SGCG: variants seen among roughly 807,000 people sequenced by gnomAD.
The protein encoded by SGCG is gamma-sarcoglycan.
Under a neutral mutation model 29.3 loss-of-function variants are expected in SGCG, and 26 were observed. That is an observed-to-expected ratio of 0.89 (90% CI 0.65 to 1.23). SGCG has a LOEUF of 1.23. Ranked by LOEUF, SGCG falls within the 50% of genes most tolerant of loss-of-function variation. The pLI, the probability that SGCG is intolerant of heterozygous loss-of-function variation, is 0.00. For missense variants in SGCG, 353 were observed against 356.0 expected (o/e 0.99, Z 0.07); for synonymous variants, 145 against 129.7 (o/e 1.12, Z -0.80).
intron 4 of SGCG, among the ~76,000 whole-genome samples, chr13:23,272,830 A>G (rs1040622961): frequency 6.6e-6 from 1 of 152,170 alleles, no homozygotes; most frequent in African/African-American, 2.4e-5. Context: ...TAATGAGATC[A>G]ATTTTAGCAA....
At chr13:23,198,527 G>C (rs954298216) in intron 1 of SGCG, among the ~76,000 whole-genome samples, 1 of 152,102 alleles carries the variant, frequency 6.6e-6, no homozygotes, top group Non-Finnish European at 1.5e-5. Context: ...CTATACCTGA[G>C]AGATGCATTG....
At chr13:23,177,490 G>T (rs1876595094), upstream of SGCG, among the ~76,000 whole-genome samples, 2 of 148,756 alleles carry the variant, frequency 1.3e-5, no homozygotes, top group Non-Finnish European at 3.0e-5. Context: ...GTATCACGTT[G>T]TACCCAGTAA....
At chr13:23,301,033 G>A (rs7995714) in intron 6 of SGCG, among the ~76,000 whole-genome samples, 109,673 of 151,776 alleles carry the variant, frequency 0.72, 41,513 homozygotes, top group East Asian at 0.89. Flanking sequence ...GGAGAATGGC[G>A]TGAACCCAGG....
At chr13:23,182,755 CTG>C (rs1876792466) in intron 1 of SGCG, among the ~76,000 whole-genome samples, 1 of 152,192 alleles carries the variant, frequency 6.6e-6, no homozygotes, top group Admixed American at 6.5e-5. Context: ...TTCAGTATGA[CTG>C]GTGGGTAGGA....
At chr13:23,188,492 T>G (rs539019005) in intron 1 of SGCG, among the ~76,000 whole-genome samples, 23 of 148,310 alleles carry the variant, frequency 1.6e-4, no homozygotes, top group African/African-American at 5.2e-4. Flanking sequence ...TTTTTTTTTT[T>G]TTTTTTTTTT....
intron 4 of SGCG, among the ~76,000 whole-genome samples, chr13:23,263,246 AAAG>A (rs1414290272): frequency 3.9e-5 from 6 of 152,170 alleles, no homozygotes; most frequent in Admixed American, 6.5e-5. Flanking sequence ...TTAATCAAGA[AAAG>A]AAGAGAGAAG....
At chr13:23,227,901 C>T (rs1426980167) in intron 2 of SGCG, among the ~76,000 whole-genome samples, 1 of 152,180 alleles carries the variant, frequency 6.6e-6, no homozygotes, top group Non-Finnish European at 1.5e-5. Flanking sequence ...GCCTCTTCCT[C>T]CTGGGCTCAA....
At chr13:23,247,078 G>T in intron 3 of SGCG, 1 of 169,352 alleles carries the variant, frequency 5.9e-6, no homozygotes, top group Non-Finnish European at 1.3e-5. Context: ...GCCCACCCAG[G>T]CCTGGCCCTG....
chr13:23,305,001 A>T (rs1882312702), intron 6 of SGCG, among the ~76,000 whole-genome samples: 2 of 126,150 alleles, frequency 1.6e-5, no homozygotes, highest in African/African-American at 2.7e-5. Flanking sequence ...ACGTGCTCAC[A>T]CACACACACA....
intron 7 of SGCG, among the ~76,000 whole-genome samples, chr13:23,321,359 T>C (rs1477927733): frequency 6.6e-6 from 1 of 152,186 alleles, no homozygotes; most frequent in African/African-American, 2.4e-5. Context: ...CTGTATACAC[T>C]ATCTGTTTTC....
intron 6 of SGCG, among the ~76,000 whole-genome samples, chr13:23,314,187 TATAGAGAGAG>T (rs1340116789): frequency 4.6e-4 from 45 of 96,938 alleles, no homozygotes; most frequent in Admixed American, 7.1e-4. Flanking sequence ...TATATATATA[TATAGAGAGAG>T]AGAGAGAGAG....
chr13:23,297,332 A>T (rs1174753948), intron 6 of SGCG, among the ~76,000 whole-genome samples: 1 of 152,042 alleles, frequency 6.6e-6, no homozygotes, highest in Non-Finnish European at 1.5e-5. Context: ...AGACACATAC[A>T]CAGAAATATA....
chr13:23,266,437 C>G (rs1361967807), intron 4 of SGCG, among the ~76,000 whole-genome samples: 1 of 152,002 alleles, frequency 6.6e-6, no homozygotes, highest in Non-Finnish European at 1.5e-5. Context: ...TGAAGTAACA[C>G]TCAGGAATCA....
chr13:23,169,506 C>T, the SGCG span, among the ~76,000 whole-genome samples: 76 of 152,060 alleles, frequency 5.0e-4, 1 homozygote, highest in African/African-American at 1.8e-3. Context: ...TGGTGAAACC[C>T]CGTCTCTACT....
rs563129062 is a variant in SGCG at position 23,320,683 on chromosome 13, G to T, written c.625G>T (p.Val209Leu). The change falls in exon 7 of 8, where the codon GTG becomes TTG. Residue 209 changes from valine (V) to leucine (L), a missense_variant. Physicochemically the swap from Val to Leu is conservative, Grantham distance 32 (BLOSUM62 1). Coordinates refer to ENST00000218867, the MANE Select transcript of SGCG (RefSeq NM_000231.3). Reference protein sequence around the residue: ...RSLSMDAPRGVHIQAHAGKIE... With the variant: ...RSLSMDAPRGLHIQAHAGKIE... ...TCTAAGCATGGATGCCCCAAGGGGTGTGCATATTCAAGCTCACGCTGGGAA... is the reference window on the plus strand; with the variant it reads ...TCTAAGCATGGATGCCCCAAGGGGTTTGCATATTCAAGCTCACGCTGGGAA... 8.7e-6 allele frequency: 14 copies of T among 1,609,394 alleles called. No homozygotes were observed. Among genetic ancestry groups the T allele is most frequent in the Non-Finnish European group, 9.3e-6 (11 of 1,177,810 alleles).
At chr13:23,293,032 G>T (rs1474809360) in intron 5 of SGCG, among the ~76,000 whole-genome samples, 1 of 152,164 alleles carries the variant, frequency 6.6e-6, no homozygotes, top group Non-Finnish European at 1.5e-5. Context: ...AGCAGGAAAT[G>T]TTGTCAACAC....
At chr13:23,252,993 G>GTAAT (rs1880035900) in intron 4 of SGCG, among the ~76,000 whole-genome samples, 1 of 152,132 alleles carries the variant, frequency 6.6e-6, no homozygotes, top group African/African-American at 2.4e-5. Context: ...TGGCATGCTA[G>GTAAT]TAACTGTTCT....
intron 4 of SGCG, among the ~76,000 whole-genome samples, chr13:23,271,412 T>TAA (rs138642899): frequency 6.6e-5 from 10 of 150,510 alleles, no homozygotes; most frequent in African/African-American, 2.0e-4. Context: ...GCTGATGAGC[T>TAA]AAAAAAAAAA....
At chr13:23,258,861 A>G (rs1401006954) in intron 4 of SGCG, among the ~76,000 whole-genome samples, 2 of 152,036 alleles carry the variant, frequency 1.3e-5, no homozygotes, top group African/African-American at 4.8e-5. Context: ...AATGATTTGC[A>G]TATGTTGAAC....
Sources: gnomAD v4.1 joint callset for allele counts (sites outside exome capture counted in the v4.1 genomes callset) on GRCh38, gnomAD v4.1.1 for gene constraint, MANE v1.5 for transcripts, NCBI Gene and HGNC (gene_info 2026-07-23, HGNC 2026-07-21) for gene names.